Variants in CPS1 observed in about 807,000 individuals in gnomAD.
CPS1 encodes the protein carbamoyl-phosphate synthase 1, also known as carbamoyl-phosphate synthase [ammonia], mitochondrial.
A neutral mutation model predicts 174.6 loss-of-function variants in CPS1; 109 were observed. The observed-to-expected ratio is 0.62, with a 90% CI of 0.53 to 0.73. The LOEUF is 0.73. CPS1 is among the 30% of genes least tolerant of loss of function. The pLI is 0.00. For synonymous variants in CPS1, 637 were observed against 632.0 expected (o/e 1.01, Z -0.12); for missense variants, 1,689 against 1,821.9 (o/e 0.93, Z 1.33).
Position 210,588,075 on chromosome 2 carries a change from C to A in CPS1, c.639C>A (p.Gly213=). ...AATGGCAGGATGTCAAAGTGTACGG[C>A]AAAGGAAACCCCACAAAAGTGGTAG... ...EVSTKDVKVY[G]KGNPTKVVAV... The change falls in exon 7 of 38, where the codon GGC becomes GGA. Residue 213 remains glycine (G), a synonymous_variant. Transcript: ENST00000233072. 3.1e-6 allele frequency: 5 copies of A among 1,612,950 alleles called. No homozygotes were observed. The highest frequency in any genetic ancestry group is 4.2e-6 in the Non-Finnish European group (5 of 1,179,218).
chr2:210,487,346 C>T (rs937993245), intron 1 of CPS1, among the ~76,000 whole-genome samples: 1 of 152,170 alleles, frequency 6.6e-6, no homozygotes, highest in African/African-American at 2.4e-5. Flanking sequence ...TCTCTGTTGT[C>T]TTACATCTAG....
At chr2:210,640,698 A>T (rs1331058631) in intron 24 of CPS1, among the ~76,000 whole-genome samples, 6 of 152,236 alleles carry the variant, frequency 3.9e-5, no homozygotes, top group African/African-American at 1.4e-4. Context: ...AAGCATTATA[A>T]TATGGAAATG....
chr2:210,576,525 T>A, intron 3 of CPS1, 35 bp downstream of exon 3: 1 of 1,612,024 alleles, frequency 6.2e-7, no homozygotes, highest in South Asian at 1.1e-5. Flanking sequence ...AAAGTCTCAA[T>A]TTGAGGGAGT....
chr2:210,639,648 A>C (rs13383683), intron 23 of CPS1, among the ~76,000 whole-genome samples: 28,523 of 138,448 alleles, frequency 0.21, 6,937 homozygotes, highest in African/African-American at 0.6. Context: ...AAAAAAAGGC[A>C]TCATGTGTGT....
At position 210,588,040 on chromosome 2, in the gene CPS1, T is replaced by C; in HGVS notation, c.622-18T>C. The C allele has an allele frequency of 6.2e-7, 1 of 1,611,524 alleles. No individual in the cohort carries two copies. The highest frequency in any genetic ancestry group is 8.5e-7 in the Non-Finnish European group (1 of 1,177,940). ...TAGCTGGGACTTCCCTCTCATTCTCTGGTTTTTAAAATGGCAGGATGTCAA... is the reference window on the plus strand; with the variant it reads ...TAGCTGGGACTTCCCTCTCATTCTCCGGTTTTTAAAATGGCAGGATGTCAA... On this transcript the variant is annotated intron_variant, in intron 6 of 37. Transcript: ENST00000233072.
At chr2:210,617,643 A>C (rs1478955324) in intron 21 of CPS1, 1 of 152,028 alleles carries the variant, frequency 6.6e-6, no homozygotes, top group Non-Finnish European at 1.5e-5. Context: ...CCCATGTCAA[A>C]TGCTTGGTTT....
At chr2:210,498,664 C>T (rs983084715) in intron 1 of CPS1, among the ~76,000 whole-genome samples, 1 of 152,124 alleles carries the variant, frequency 6.6e-6, no homozygotes, top group Admixed American at 6.5e-5. Flanking sequence ...GCCTTCAAAC[C>T]AGAGATCTAT....
At chr2:210,661,126 A>T (rs1434374872) in intron 32 of CPS1, among the ~76,000 whole-genome samples, 1 of 152,192 alleles carries the variant, frequency 6.6e-6, no homozygotes, top group South Asian at 2.1e-4. Flanking sequence ...AAAAATTGAG[A>T]CAGCTGTTGC....
At chr2:210,565,213 A>T (rs889644488) in intron 1 of CPS1, among the ~76,000 whole-genome samples, 60 of 152,106 alleles carry the variant, frequency 3.9e-4, no homozygotes, top group Non-Finnish European at 2.4e-4. Context: ...CTGCAGTCTT[A>T]TGAATCTTCC....
chr2:210,643,829 C>T (rs1280791340), intron 25 of CPS1, among the ~76,000 whole-genome samples: 3 of 151,994 alleles, frequency 2.0e-5, no homozygotes, highest in East Asian at 3.9e-4. Context: ...TTTTAAATCA[C>T]TCCTTAATAT....
intron 19 of CPS1, among the ~76,000 whole-genome samples, chr2:210,610,890 A>G (rs1666823741): frequency 1.3e-5 from 2 of 151,906 alleles, no homozygotes; most frequent in Admixed American, 1.3e-4. Context: ...ATTGTGCTTA[A>G]GAATAATAAA....
At chr2:210,585,207 A>G (rs1045011236) in intron 6 of CPS1, among the ~76,000 whole-genome samples, 3 of 152,054 alleles carry the variant, frequency 2.0e-5, no homozygotes, top group African/African-American at 4.8e-5. Flanking sequence ...CACATAGTAC[A>G]TGGTCAACAA....
At chr2:210,515,822 G>T (rs916557627) in intron 1 of CPS1, among the ~76,000 whole-genome samples, 1 of 151,824 alleles carries the variant, frequency 6.6e-6, no homozygotes, top group Admixed American at 6.6e-5. Context: ...CTAGCTTTTT[G>T]AGGTGGGTAT....
At chr2:210,643,878 T>G (rs1700298755) in intron 25 of CPS1, among the ~76,000 whole-genome samples, 1 of 152,070 alleles carries the variant, frequency 6.6e-6, no homozygotes. Flanking sequence ...AATAAGTGCA[T>G]CCCACAAATA....
intron 12 of CPS1, among the ~76,000 whole-genome samples, chr2:210,594,953 T>C (rs965324200): frequency 6.6e-6 from 1 of 151,950 alleles, no homozygotes; most frequent in Admixed American, 6.6e-5. Flanking sequence ...AGAATCATTA[T>C]AGATGATAGA....
At chr2:210,516,936 T>C (rs2105982969) in intron 1 of CPS1, among the ~76,000 whole-genome samples, 1 of 152,140 alleles carries the variant, frequency 6.6e-6, no homozygotes, top group Middle Eastern at 3.4e-3. Flanking sequence ...TCCATATCAG[T>C]TATTTATTAA....
chr2:210,609,626 A>G (rs1298482458), intron 19 of CPS1, among the ~76,000 whole-genome samples: 8 of 151,886 alleles, frequency 5.3e-5, no homozygotes, highest in Non-Finnish European at 2.9e-5. Context: ...TCTATCTACC[A>G]TTTATCTTAG....
At chr2:210,659,304 A>T (rs1382999820) in intron 31 of CPS1, among the ~76,000 whole-genome samples, 1 of 152,112 alleles carries the variant, frequency 6.6e-6, no homozygotes, top group East Asian at 1.9e-4. Flanking sequence ...GAGAGTGGCA[A>T]GGGAGTGGGC....
intron 29 of CPS1, among the ~76,000 whole-genome samples, chr2:210,654,648 G>A (rs989702214): frequency 5.3e-5 from 8 of 152,112 alleles, no homozygotes; most frequent in Non-Finnish European, 1.0e-4. Flanking sequence ...AAAATGTGAA[G>A]AATATTTTAC....
Sources: gnomAD v4.1 joint callset for allele counts (sites outside exome capture counted in the v4.1 genomes callset) on GRCh38, gnomAD v4.1.1 for gene constraint, MANE v1.5 for transcripts, NCBI Gene and HGNC (gene_info 2026-07-23, HGNC 2026-07-21) for gene names.